UMAD1: variants seen among roughly 807,000 people sequenced by gnomAD.
UMAD1 encodes the protein UBAP1-MVB12-associated (UMA)-domain containing protein 1.
UMAD1 carries 8 observed loss-of-function variants against 6.1 expected under a neutral mutation model. The ratio of observed to expected loss-of-function variants is 1.30; its 90% CI spans 0.76 to 2.35. The LOEUF (loss-of-function observed/expected upper bound fraction) is 2.35. Among genes scored for constraint, UMAD1 ranks in the 30% most tolerant of loss-of-function variants. The pLI, the probability that UMAD1 is intolerant of heterozygous loss-of-function variation, is 0.00. For missense variants in UMAD1, 130 were observed against 78.4 expected, an observed-to-expected ratio of 1.66 and a Z score of -2.49; for synonymous variants, 56 against 31.4, an observed-to-expected ratio of 1.78 and a Z score of -2.61.
intron 2 of UMAD1, among the ~76,000 whole-genome samples, chr7:7,794,891 T>C (rs565388201): frequency 6.6e-6 from 1 of 152,292 alleles, no homozygotes; most frequent in African/African-American, 2.4e-5. Flanking sequence ...ATATTCTCTA[T>C]AGGGCTGTTA....
chr7:7,715,199 A>G (rs1780868696), intron 2 of UMAD1: 1 of 152,228 alleles, frequency 6.6e-6, no homozygotes, highest in Admixed American at 6.5e-5. Context: ...TTCCCTGTGC[A>G]TTGTCTTCAC....
intron 1 of UMAD1, among the ~76,000 whole-genome samples, chr7:7,663,470 A>C (rs1785527868): frequency 6.6e-6 from 1 of 152,182 alleles, no homozygotes; most frequent in Non-Finnish European, 1.5e-5. Context: ...CCATTACACC[A>C]ATATCAAAAA....
intron 2 of UMAD1, among the ~76,000 whole-genome samples, chr7:7,692,124 G>A (rs927863194): frequency 6.6e-5 from 10 of 151,974 alleles, no homozygotes; most frequent in Admixed American, 2.0e-4. Flanking sequence ...AGAGTACTTC[G>A]CCCCCTTTTT....
chr7:7,843,012 A>T (rs1489146682), intron 3 of UMAD1, among the ~76,000 whole-genome samples: 2 of 152,330 alleles, frequency 1.3e-5, no homozygotes, highest in South Asian at 2.1e-4. Flanking sequence ...CTTAAATAAT[A>T]TGGTTCTTTT....
intron 1 of UMAD1, among the ~76,000 whole-genome samples, chr7:7,645,468 T>C (rs1785072421): frequency 6.6e-6 from 1 of 152,220 alleles, no homozygotes; most frequent in Non-Finnish European, 1.5e-5. Context: ...GGTTATCTCA[T>C]AGGCCAGGTA....
chr7:7,786,686 A>C (rs184585622), intron 2 of UMAD1, among the ~76,000 whole-genome samples: 2 of 152,310 alleles, frequency 1.3e-5, no homozygotes, highest in Non-Finnish European at 2.9e-5. Flanking sequence ...GCAGAAGAGA[A>C]ATACTTTGCT....
At chr7:7,809,139 A>G (rs1424480310) in intron 3 of UMAD1, among the ~76,000 whole-genome samples, 1 of 152,046 alleles carries the variant, frequency 6.6e-6, no homozygotes, top group Admixed American at 6.6e-5. Context: ...AGCAATAACA[A>G]TAAAAACTGT....
intron 2 of UMAD1, among the ~76,000 whole-genome samples, chr7:7,766,005 A>C (rs1781977081): frequency 6.6e-6 from 1 of 152,198 alleles, no homozygotes; most frequent in Non-Finnish European, 1.5e-5. Context: ...GTAATAGTGG[A>C]ATAAGAATTG....
chr7:7,662,888 A>G (rs1785510136), intron 1 of UMAD1, among the ~76,000 whole-genome samples: 2 of 152,362 alleles, frequency 1.3e-5, no homozygotes, highest in African/African-American at 4.8e-5. Context: ...TTCAACATGT[A>G]AATATTTATA....
intron 2 of UMAD1, among the ~76,000 whole-genome samples, chr7:7,772,920 G>T (rs557405626): frequency 6.7e-6 from 1 of 149,010 alleles, no homozygotes; most frequent in Non-Finnish European, 1.5e-5. Flanking sequence ...TTAAAGAGGG[G>T]TTTCCCCTTA....
chr7:7,648,562 A>G (rs1325595696), intron 1 of UMAD1, among the ~76,000 whole-genome samples: 1 of 152,202 alleles, frequency 6.6e-6, no homozygotes, highest in African/African-American at 2.4e-5. Flanking sequence ...TATAAAGAAA[A>G]TAAAATTGGC....
chr7:7,740,776 T>C (rs2115205035), intron 2 of UMAD1: 1 of 152,382 alleles, frequency 6.6e-6, no homozygotes, highest in East Asian at 1.9e-4. Flanking sequence ...GATACCAGAA[T>C]TGAAGACAAT....
At chr7:7,784,120 C>A (rs925749898) in intron 2 of UMAD1, among the ~76,000 whole-genome samples, 4 of 150,752 alleles carry the variant, frequency 2.7e-5, no homozygotes, top group African/African-American at 9.8e-5. Context: ...TGTAGACAGA[C>A]TTTAGTTTAA....
At chr7:7,804,012 C>T (rs1320769794) in intron 3 of UMAD1, among the ~76,000 whole-genome samples, 1 of 152,114 alleles carries the variant, frequency 6.6e-6, no homozygotes, top group Non-Finnish European at 1.5e-5. Context: ...GATTACAATC[C>T]ACAGAGCTTT....
chr7:7,657,959 C>T (rs1785382167), intron 1 of UMAD1, among the ~76,000 whole-genome samples: 1 of 152,132 alleles, frequency 6.6e-6, no homozygotes. Flanking sequence ...GAATGTTTTT[C>T]CATTTGTTTG....
intron 2 of UMAD1, among the ~76,000 whole-genome samples, chr7:7,675,380 T>C (rs924632596): frequency 1.3e-5 from 2 of 152,176 alleles, no homozygotes; most frequent in Non-Finnish European, 2.9e-5. Context: ...CAGTGGCTCC[T>C]GGTGCTGCTA....
intron 1 of UMAD1, among the ~76,000 whole-genome samples, chr7:7,656,127 G>A (rs115853900): frequency 0.017 from 2,525 of 151,974 alleles, 67 homozygotes; most frequent in African/African-American, 0.058. Flanking sequence ...GAGCCACTGC[G>A]CCTGGCCAGG....
At chr7:7,670,985 C>G (rs978132873) in intron 1 of UMAD1, among the ~76,000 whole-genome samples, 2 of 152,118 alleles carry the variant, frequency 1.3e-5, no homozygotes, top group Non-Finnish European at 2.9e-5. Flanking sequence ...GAATTTTTTC[C>G]TTTTCGGTAA....
chr7:7,738,240 G>T (rs886485504), intron 2 of UMAD1, among the ~76,000 whole-genome samples: 2 of 152,178 alleles, frequency 1.3e-5, no homozygotes, highest in African/African-American at 2.4e-5. Context: ...ATTTTTTCCA[G>T]CATGGGATCT....
Sources: allele counts gnomAD v4.1 joint callset (sites outside exome capture counted in the v4.1 genomes callset), GRCh38; gene constraint gnomAD v4.1.1; transcripts MANE v1.5; gene names NCBI Gene and HGNC (gene_info 2026-07-23, HGNC 2026-07-21).